Variants in ARHGEF19 observed in about 807,000 individuals in gnomAD.
ARHGEF19 encodes Rho guanine nucleotide exchange factor 19.
In ARHGEF19, 92 loss-of-function variants were observed where a neutral mutation model predicts 87.6. The ratio of observed to expected loss-of-function variants is 1.05; its 90% CI spans 0.89 to 1.25. The LOEUF is 1.25. ARHGEF19 is among the 50% of genes most tolerant of loss of function. The pLI, the probability that ARHGEF19 is intolerant of heterozygous loss-of-function variation, is 0.00. For missense variants in ARHGEF19, 1,054 were observed against 1,051.8 expected (o/e 1.00, Z -0.03); for synonymous variants, 438 against 446.2 (o/e 0.98, Z 0.23).
chr1:16,202,311 A>T, intron 13 of ARHGEF19, 105 bp downstream of exon 13: 1 of 1,429,252 alleles, frequency 7.0e-7, no homozygotes, highest in Non-Finnish European at 9.4e-7. Flanking sequence ...CAAGGCCAGG[A>T]TGTCCCAGGG....
intron 12 of ARHGEF19, among the ~76,000 whole-genome samples, chr1:16,203,858 A>G (rs1207390653): frequency 6.6e-6 from 1 of 152,198 alleles, no homozygotes; most frequent in African/African-American, 2.4e-5. Context: ...CAAAACCCTG[A>G]TGATATGGTT....
At chr1:16,202,774 G>A (rs942775254) in intron 12 of ARHGEF19, among the ~76,000 whole-genome samples, 200 bp from the exon 13 acceptor site, 4 of 152,224 alleles carry the variant, frequency 2.6e-5, no homozygotes, top group African/African-American at 7.2e-5. Context: ...TGGCTTGCTG[G>A]TGGAGGCTGG....
Position 16,204,759 on chromosome 1 carries a change from T to C in ARHGEF19, c.1907A>G (p.Glu636Gly). 1 of 1,591,598 alleles carries C rather than the reference T, an allele frequency of 6.3e-7. No homozygotes were observed. The highest frequency in any genetic ancestry group is 1.1e-5 in the South Asian group (1 of 89,064). ...NDCLLLSRRK[E>G]LGKFAVFVHA... ...CCCACCCCTGACTGCCCCGACTCACTCCTTCCGCCGAGAGAGCAGCAAGCA... is the reference window on the plus strand; with the variant it reads ...CCCACCCCTGACTGCCCCGACTCACCCCTTCCGCCGAGAGAGCAGCAAGCA... Residue 636 changes from glutamate to glycine, a missense_variant and splice_region_variant, in exon 12 of 16, where the codon GAG becomes GGG. Physicochemically the swap from Glu to Gly is moderately conservative, Grantham distance 98. Transcript: ENST00000270747.
Position 16,206,475 on chromosome 1 carries a change from C to A in ARHGEF19, c.1138-135G>T, listed in dbSNP as rs1477147206. On this transcript the variant is annotated intron_variant, in intron 6 of 15. Transcript: ENST00000270747. This position sits in a 1 kb window ranked among gnomAD's most constrained non-coding sequence, Gnocchi z 4.6. ...TCTAGCCCCACTCCTAATCTGGCGC[C>A]GGGCGGGCCCGGCGACCCACGTCCC... is the stretch of plus-strand genomic sequence containing the variant. The A allele has an allele frequency of 1.0e-6, 1 of 978,090 alleles. No individual in the cohort carries two copies. The highest frequency in any genetic ancestry group is 1.7e-5 in the African/African-American group (1 of 60,568). 60.6% of individuals were successfully genotyped at this position (978,090 alleles called of 1,614,324 possible). A position where few individuals can be genotyped will look rare whatever the true frequency, so the allele number is the denominator to read the frequency against.
chr1:16,199,289 G>A, intron 14 of ARHGEF19, 35 bp from the exon 15 acceptor site: 1 of 1,596,522 alleles, frequency 6.3e-7, no homozygotes, highest in East Asian at 2.2e-5. Context: ...GAGTCCCAAG[G>A]GCAGGATGGC....
rs536892927 is a variant in ARHGEF19, at chr1:16,199,706, G to A, written c.2147-452C>T. On this transcript the variant is annotated intron_variant, in intron 14 of 15. Coordinates refer to ENST00000270747, the MANE Select transcript of ARHGEF19 (RefSeq NM_153213.5). ...TCAAGCTGCATCGCTCCCGTTTAAA[G>A]CCCTCCAGGGCTTCCCAGTCCTCTT... Among the ~76,000 whole-genome samples, 15 of 152,118 alleles carry A rather than the reference G, an allele frequency of 9.9e-5. 1 individual carries two copies. The highest frequency in any genetic ancestry group is 3.4e-4 in the African/African-American group (14 of 41,488).
At chr1:16,201,007 A>G (rs1426129983) in intron 14 of ARHGEF19, among the ~76,000 whole-genome samples, 1 of 152,244 alleles carries the variant, frequency 6.6e-6, no homozygotes, top group Non-Finnish European at 1.5e-5. Context: ...TGAGTCCAGG[A>G]GTTTGAGGCC....
At position 16,207,782 on chromosome 1, in the gene ARHGEF19, A is replaced by C; in HGVS notation, c.695-5T>G. 6.2e-7 allele frequency: 1 copy of C among 1,613,414 alleles called. No homozygotes were observed. Among genetic ancestry groups the C allele is most frequent in the Non-Finnish European group, 8.5e-7 (1 of 1,179,968 alleles). The stretch of plus-strand genomic sequence containing the variant: ...CCTCCATTCCAGATGCTTTCCCTGG[A>C]GAGGGCGAGAACTGAGGGTGGGGGG... On this transcript the variant is annotated splice_region_variant and splice_polypyrimidine_tract_variant and intron_variant, in intron 3 of 15. Transcript: ENST00000270747. The surrounding 1 kb of genome is among the most constrained non-coding windows in gnomAD (Gnocchi z 4.0).
At position 16,205,628 on chromosome 1, in the gene ARHGEF19, C is replaced by G; in HGVS notation, c.1491G>C (p.Leu497=). The change falls in exon 9 of 16, where the codon CTG becomes CTC. Residue 497 remains leucine, a synonymous_variant. Coordinates refer to ENST00000270747, the MANE Select transcript of ARHGEF19 (RefSeq NM_153213.5). This position sits in a 1 kb window ranked among gnomAD's most constrained non-coding sequence, Gnocchi z 5.8. ...NPRFPGILAR[L]EESPVCQRLP... ...GACGCTGGCACACAGGAGACTCCTCCAGGCGAGCCAGGATGCCAGGGAACC... is the reference window on the plus strand; with the variant it reads ...GACGCTGGCACACAGGAGACTCCTCGAGGCGAGCCAGGATGCCAGGGAACC... The G allele has an allele frequency of 2.5e-6, 4 of 1,613,054 alleles. No individual in the cohort carries two copies. The highest frequency in any genetic ancestry group is 3.4e-6 in the Non-Finnish European group (4 of 1,179,676).
At position 16,204,756 on chromosome 1, in the gene ARHGEF19, C is replaced by T. The variant is rs373442843; in HGVS notation, c.1907+3G>A. The T allele has an allele frequency of 7.5e-6, 12 of 1,589,772 alleles. No individual in the cohort carries two copies. In the African/African-American group the frequency reaches 1.6e-4, roughly 21 times the overall value. On this transcript the variant is annotated splice_donor_region_variant and intron_variant, in intron 12 of 15. Coordinates refer to ENST00000270747, the MANE Select transcript of ARHGEF19 (RefSeq NM_153213.5). ...CTACCCACCCCTGACTGCCCCGACT[C>T]ACTCCTTCCGCCGAGAGAGCAGCAA...
At chr1:16,208,270 C>G (rs766250255) in intron 2 of ARHGEF19, 45 bp from the exon 3 acceptor site, 41 of 1,581,856 alleles carry the variant, frequency 2.6e-5, no homozygotes, top group Non-Finnish European at 3.4e-5. Flanking sequence ...GGGGTCTCCC[C>G]CAACCTCCTC....
In ARHGEF19 at chr1:16,206,423, C is replaced by T. The variant is rs2081135704; in HGVS notation, c.1138-83G>A. The T allele has an allele frequency of 5.5e-6, 8 of 1,459,702 alleles. No individual in the cohort carries two copies. The East Asian group carries it at 2.0e-4, about 36-fold the overall frequency. The allele number at this position is 1,459,702 out of a possible 1,614,324, so 90.4% of individuals were successfully genotyped here. A position where few individuals can be genotyped will look rare whatever the true frequency, so the allele number is the denominator to read the frequency against. On this transcript the variant is annotated intron_variant, in intron 6 of 15. Coordinates refer to ENST00000270747, the MANE Select transcript of ARHGEF19 (RefSeq NM_153213.5). The surrounding 1 kb of genome is among the most constrained non-coding windows in gnomAD (Gnocchi z 4.6). Reference sequence around the variant, plus strand: ...GGCCTCACATCCCCAGACCCCAGGACGCCACACCTCGCGTCCTCGCCCCTT... The same window carrying T: ...GGCCTCACATCCCCAGACCCCAGGATGCCACACCTCGCGTCCTCGCCCCTT...
chr1:16,207,733 C>T lies in ARHGEF19; in HGVS notation c.739G>A (p.Asp247Asn), dbSNP rs1461476961. 1.9e-6 allele frequency: 3 copies of T among 1,613,898 alleles called. No homozygotes were observed. Among genetic ancestry groups the T allele is most frequent in the Admixed American group, 1.7e-5 (1 of 60,000 alleles). ...MEARSVEMSG[D>N]RVSRPAPGDS... ...CCAGGGGCTGGCCGCGACACCCGGT[C>T]CCCGCTCATCTCTACACTTCGAGCC... Residue 247 changes from aspartate (D) to asparagine (N), a missense_variant, in exon 4 of 16, where the codon GAC (aspartate) becomes AAC (asparagine). Coordinates refer to ENST00000270747, the MANE Select transcript of ARHGEF19 (RefSeq NM_153213.5). The surrounding 1 kb of genome is among the most constrained non-coding windows in gnomAD (Gnocchi z 4.0).
rs762000781 is a variant in ARHGEF19, at chr1:16,205,179, G to A, written c.1657-3C>T. 4.4e-6 allele frequency: 7 copies of A among 1,595,820 alleles called. No individual in the cohort carries two copies. The highest frequency in any genetic ancestry group is 6.0e-6 in the Non-Finnish European group (7 of 1,171,128). On this transcript the variant is annotated splice_region_variant and splice_polypyrimidine_tract_variant and intron_variant, in intron 10 of 15. Transcript: ENST00000270747. The surrounding 1 kb of genome is among the most constrained non-coding windows in gnomAD (Gnocchi z 5.8). ...CTAGCATTGCACTCCTGCACCAGCT[G>A]GGGGAGCCGTGGGGAGGTCACCTGC...
chr1:16,206,925 G>A lies in ARHGEF19; in HGVS notation c.1137+23C>T. On this transcript the variant is annotated intron_variant, in intron 6 of 15. Transcript: ENST00000270747. The surrounding 1 kb of genome is among the most constrained non-coding windows in gnomAD (Gnocchi z 4.6). The stretch of plus-strand genomic sequence containing the variant: ...GTACTCCCCGGCCCGCCCCCGCCCC[G>A]CCGGGTCCCCGCGCGCGCCCACCTC... The A allele has an allele frequency of 1.7e-6, 2 of 1,176,484 alleles. No individual in the cohort carries two copies. Among genetic ancestry groups the A allele is most frequent in the Non-Finnish European group, 1.1e-6 (1 of 948,822 alleles). 72.9% of individuals were successfully genotyped at this position (1,176,484 alleles called of 1,614,324 possible). A position where few individuals can be genotyped will look rare whatever the true frequency, so the allele number is the denominator to read the frequency against.
chr1:16,211,244 G>A (rs990945805), intron 1 of ARHGEF19, among the ~76,000 whole-genome samples: 4 of 151,956 alleles, frequency 2.6e-5, no homozygotes, highest in East Asian at 1.9e-4. Context: ...ACATTATATC[G>A]CAGGAGTGTG....
rs150306829 is a variant in ARHGEF19, at chr1:16,206,059, C to T, written c.1323G>A (p.Arg441=). 1,037 of 1,584,028 alleles carry T rather than the reference C, an allele frequency of 6.5e-4. No individual in the cohort carries two copies. The highest frequency in any genetic ancestry group is 8.1e-4 in the Non-Finnish European group (947 of 1,164,914). The part of the protein sequence containing the change: ...SERFLQDLEQ[R]LEADVLRFSV... ...TGAAGCGCAGCACATCTGCCTCCAGCCGCTGCTCCAGGTCCTGCAGGAACC... is the reference window on the plus strand; with the variant it reads ...TGAAGCGCAGCACATCTGCCTCCAGTCGCTGCTCCAGGTCCTGCAGGAACC... Residue 441 remains arginine (R), a synonymous_variant, in exon 8 of 16, where the codon CGG becomes CGA. Coordinates refer to ENST00000270747, the MANE Select transcript of ARHGEF19 (RefSeq NM_153213.5). This position sits in a 1 kb window ranked among gnomAD's most constrained non-coding sequence, Gnocchi z 4.6.
At position 16,207,886 on chromosome 1, in the gene ARHGEF19, C is replaced by A; in HGVS notation, c.694+58G>T. 1 of 1,377,668 alleles carries A rather than the reference C, an allele frequency of 7.3e-7. No individual in the cohort carries two copies. Among genetic ancestry groups the A allele is most frequent in the Non-Finnish European group, 1.0e-6 (1 of 989,960 alleles). The allele number at this position is 1,377,668 out of a possible 1,614,324, so 85.3% of individuals were successfully genotyped here. A position where few individuals can be genotyped will look rare whatever the true frequency, so the allele number is the denominator to read the frequency against. ...AGGCGGCCGGTGAGTGGGCATCGCC[C>A]ACCCCCACCCCCACCCGGCATCTGG... On this transcript the variant is annotated intron_variant, in intron 3 of 15. Coordinates refer to ENST00000270747, the MANE Select transcript of ARHGEF19 (RefSeq NM_153213.5). The surrounding 1 kb of genome is among the most constrained non-coding windows in gnomAD (Gnocchi z 4.0).
rs1399963378 is a variant in ARHGEF19, at chr1:16,207,232, G to T, written c.875-22C>A. 2.0e-6 allele frequency: 3 copies of T among 1,487,528 alleles called. No individual in the cohort carries two copies. In the Admixed American group the frequency reaches 7.0e-5, roughly 35 times the overall value. 92.1% of individuals were successfully genotyped at this position (1,487,528 alleles called of 1,614,324 possible). A position where few individuals can be genotyped will look rare whatever the true frequency, so the allele number is the denominator to read the frequency against. ...ACGGCTGGGGGAAAGACGGGCGGGG[G>T]AGAGCGTGGGGCGCCCGCCAGCCCC... is the stretch of plus-strand genomic sequence containing the variant. On this transcript the variant is annotated intron_variant, in intron 5 of 15. Coordinates refer to ENST00000270747, the MANE Select transcript of ARHGEF19 (RefSeq NM_153213.5). The surrounding 1 kb of genome is among the most constrained non-coding windows in gnomAD (Gnocchi z 4.0).
Sources: allele counts gnomAD v4.1 joint callset (sites outside exome capture counted in the v4.1 genomes callset), GRCh38; gene constraint gnomAD v4.1.1; non-coding constraint Gnocchi (gnomAD v3.1); transcripts MANE v1.5; gene names NCBI Gene and HGNC (gene_info 2026-07-23, HGNC 2026-07-21).